Variants in MMP17 observed in about 807,000 individuals in gnomAD.
MMP17 encodes matrix metallopeptidase 17.
A neutral mutation model predicts 49.1 loss-of-function variants in MMP17; 54 were observed. That is an observed-to-expected ratio of 1.10 (90% CI 0.88 to 1.38). MMP17 has a LOEUF of 1.38. Among genes scored for constraint, MMP17 ranks in the 40% most tolerant of loss-of-function variants. The pLI is 0.00. For missense variants in MMP17, 837 were observed against 853.7 expected (o/e 0.98, Z 0.24); for synonymous variants, 397 against 383.1 (o/e 1.04, Z -0.42).
In MMP17 at chr12:131,845,197, A is replaced by G. The variant is rs779924400; in HGVS notation, c.1048A>G (p.Lys350Glu). The stretch of plus-strand genomic sequence containing the variant: ...GATCCGGGGTGAAGCTTTCTTCTTC[A>G]AAGGTACCTCCAGGGTTCCCGTGGC... ...AQIRGEAFFF[K>E]GKYFWRLTRD... The change falls in exon 7 of 10, where the codon AAA becomes GAA. Residue 350 changes from lysine (K) to glutamate (E), a missense_variant. Coordinates refer to ENST00000360564, the MANE Select transcript of MMP17 (RefSeq NM_016155.7). 1 of 1,613,896 alleles carries G rather than the reference A, an allele frequency of 6.2e-7. No homozygotes were observed. Among genetic ancestry groups the G allele is most frequent in the South Asian group, 1.1e-5 (1 of 91,076 alleles).
chr12:131,837,871 C>CATGCTG, intron 1 of MMP17, among the ~76,000 whole-genome samples: 1 of 152,290 alleles, frequency 6.6e-6, no homozygotes, highest in African/African-American at 2.4e-5. Flanking sequence ...CCACCACACC[C>CATGCTG]GGCTAATTTT....
intron 1 of MMP17, among the ~76,000 whole-genome samples, chr12:131,829,580 C>G (rs1229245208): frequency 2.0e-5 from 3 of 152,246 alleles, no homozygotes; most frequent in Admixed American, 2.0e-4. Context: ...CGAGGCCTCC[C>G]CGCCCCACAC....
chr12:131,836,183 A>T (rs1887074660), intron 1 of MMP17, among the ~76,000 whole-genome samples: 1 of 151,922 alleles, frequency 6.6e-6, no homozygotes, highest in African/African-American at 2.4e-5. Flanking sequence ...GGGTTTGGAA[A>T]GGGGGTAAAG....
intron 1 of MMP17, 56 bp from the exon 2 acceptor site, chr12:131,838,139 C>T: frequency 9.2e-6 from 14 of 1,526,760 alleles, no homozygotes; most frequent in Admixed American, 4.1e-5. Context: ...GCAGGCTTCT[C>T]ACTGGGTAGG....
intron 8 of MMP17, 108 bp from the exon 9 acceptor site, chr12:131,849,694 T>C: frequency 7.7e-7 from 1 of 1,301,256 alleles, no homozygotes; most frequent in Non-Finnish European, 1.1e-6. Context: ...CAAGCCCAGG[T>C]GAGGGGCCAG....
rs975288051 is a variant in MMP17 at position 131,844,650 on chromosome 12, C to T, written c.969-468C>T. 10 of 220,406 alleles carry T rather than the reference C, an allele frequency of 4.5e-5. No individual in the cohort carries two copies. The East Asian group carries it at 7.1e-4, about 16-fold the overall frequency. 13.7% of individuals were successfully genotyped at this position (220,406 alleles called of 1,614,324 possible). On this transcript the variant is annotated intron_variant, in intron 6 of 9. Transcript: ENST00000360564. ...CACAGGACCGTACGTGTAACCCTCC[C>T]GGTTAAAGCTGCGAAGGAGCCACGC...
intron 8 of MMP17, among the ~76,000 whole-genome samples, chr12:131,847,773 T>C (rs968626110): frequency 1.2e-4 from 19 of 152,256 alleles, no homozygotes; most frequent in African/African-American, 4.6e-4. Context: ...GTCTGCAGGT[T>C]TCGCTACCAT....
At chr12:131,849,238 C>T (rs1052079104) in intron 8 of MMP17, among the ~76,000 whole-genome samples, 1 of 152,206 alleles carries the variant, frequency 6.6e-6, no homozygotes, top group Non-Finnish European at 1.5e-5. Context: ...AATCCCAGCA[C>T]TTTGGGAGGC....
At position 131,843,935 on chromosome 12, in the gene MMP17, T is replaced by C; in HGVS notation, c.884-62T>C. ...CATCCCTGGGATTCAGAAGGGCTGGTGGGATGTGGGGGGAGGCGGGCGTCG... is the reference window on the plus strand; with the variant it reads ...CATCCCTGGGATTCAGAAGGGCTGGCGGGATGTGGGGGGAGGCGGGCGTCG... On this transcript the variant is annotated intron_variant, in intron 5 of 9. Coordinates refer to ENST00000360564, the MANE Select transcript of MMP17 (RefSeq NM_016155.7). 3 of 1,201,292 alleles carry C rather than the reference T, an allele frequency of 2.5e-6. No individual in the cohort carries two copies. In the South Asian group the frequency reaches 4.1e-5, roughly 17 times the overall value. The allele number at this position is 1,201,292 out of a possible 1,614,324, so 74.4% of individuals were successfully genotyped here. A position where few individuals can be genotyped will look rare whatever the true frequency, so the allele number is the denominator to read the frequency against.
At position 131,851,120 on chromosome 12, in the gene MMP17, G is replaced by T. The variant is rs138829824; in HGVS notation, c.1658G>T (p.Arg553Leu). ...RAPPGQHDQS[R>L]SEDGYEVCSC... ...CCTCCAGGACAACATGACCAGAGCC[G>T]CTCGGAGGACGGTTACGAGGTCTGC... The change falls in exon 10 of 10, where the codon CGC becomes CTC. Residue 553 changes from arginine (R) to leucine (L), a missense_variant. By Grantham distance (102) the Arg-to-Leu change is moderately radical. Coordinates refer to ENST00000360564, the MANE Select transcript of MMP17 (RefSeq NM_016155.7). 4.4e-6 allele frequency: 7 copies of T among 1,588,910 alleles called. No homozygotes were observed. The African/African-American group carries it at 8.1e-5, about 18-fold the overall frequency.
Position 131,849,864 on chromosome 12 carries a change from G to A in MMP17, c.1267G>A (p.Asp423Asn), listed in dbSNP as rs752274684. ...VEEGYPRPVS[D>N]FSLPPGGIDA... ...GGAAGGATACCCGCGCCCCGTCTCC[G>A]ACTTCAGCCTCCCGCCTGGCGGCAT... Residue 423 changes from aspartate (D) to asparagine (N), a missense_variant, in exon 9 of 10, where the codon GAC (aspartate) becomes AAC (asparagine). By Grantham distance (23) the Asp-to-Asn change is conservative. Coordinates refer to ENST00000360564, the MANE Select transcript of MMP17 (RefSeq NM_016155.7). 81 of 1,613,888 alleles carry A rather than the reference G, an allele frequency of 5.0e-5. No individual in the cohort carries two copies. Among genetic ancestry groups the A allele is most frequent in the African/African-American group, 5.3e-5 (4 of 74,916 alleles).
rs1288321565 is a variant in MMP17 at position 131,843,993 on chromosome 12, G to A, written c.884-4G>A. 6.5e-6 allele frequency: 10 copies of A among 1,548,594 alleles called. No homozygotes were observed. The highest frequency in any genetic ancestry group is 1.4e-5 in the African/African-American group (1 of 72,950). On this transcript the variant is annotated splice_region_variant and splice_polypyrimidine_tract_variant and intron_variant, in intron 5 of 9. Coordinates refer to ENST00000360564, the MANE Select transcript of MMP17 (RefSeq NM_016155.7). The stretch of plus-strand genomic sequence containing the variant: ...GAGGCCGTCCTCCTCCTTGTCTCCC[G>A]CAGGTGTGCGGGAGTCTGTGTCTCC...
In MMP17 at chr12:131,846,766, G is replaced by A. The variant is rs1887720585; in HGVS notation, c.1204+1317G>A. Among the ~76,000 whole-genome samples, 1 of 152,198 alleles carries A rather than the reference G, an allele frequency of 6.6e-6. No individual in the cohort carries two copies. The highest frequency in any genetic ancestry group is 1.5e-5 in the Non-Finnish European group (1 of 68,036). Reference sequence around the variant, plus strand: ...ACGTCCTGAGATTCTGGGTGGATGTGAGTTTGGAGGACGTCATTCAATCCA... The same window carrying A: ...ACGTCCTGAGATTCTGGGTGGATGTAAGTTTGGAGGACGTCATTCAATCCA... On this transcript the variant is annotated intron_variant, in intron 8 of 9. Coordinates refer to ENST00000360564, the MANE Select transcript of MMP17 (RefSeq NM_016155.7). The surrounding 1 kb of genome is among the most constrained non-coding windows in gnomAD (Gnocchi z 4.6).
chr12:131,830,152 A>G lies in MMP17; in HGVS notation c.159+1499A>G, dbSNP rs191773418. Among the ~76,000 whole-genome samples, 217 of 151,846 alleles carry G rather than the reference A, an allele frequency of 1.4e-3. 1 individual carries two copies. Among genetic ancestry groups the G allele is most frequent in the Middle Eastern group, 3.4e-3 (1 of 294 alleles). ...GGGGCCCACACACTCAGGAGGATGG[A>G]CCCCCGGCCGAGCCATGTTGGCTGA... On this transcript the variant is annotated intron_variant, in intron 1 of 9. Coordinates refer to ENST00000360564, the MANE Select transcript of MMP17 (RefSeq NM_016155.7).
rs1887172416 is a variant in MMP17, at chr12:131,838,064, A to G, written c.160-131A>G. 9 of 1,167,596 alleles carry G rather than the reference A, an allele frequency of 7.7e-6. No individual in the cohort carries two copies. The East Asian group carries it at 2.2e-4, about 29-fold the overall frequency. 72.3% of individuals were successfully genotyped at this position (1,167,596 alleles called of 1,614,324 possible). A position where few individuals can be genotyped will look rare whatever the true frequency, so the allele number is the denominator to read the frequency against. On this transcript the variant is annotated intron_variant, in intron 1 of 9. Coordinates refer to ENST00000360564, the MANE Select transcript of MMP17 (RefSeq NM_016155.7). Reference sequence around the variant, plus strand: ...CCGGCAGCTGCCCAGGGAAGAGACAAGAGGTGCCTTGTGGGCAGATAGGGG... The same window carrying G: ...CCGGCAGCTGCCCAGGGAAGAGACAGGAGGTGCCTTGTGGGCAGATAGGGG...
chr12:131,834,312 C>T (rs1886967100), intron 1 of MMP17, among the ~76,000 whole-genome samples: 2 of 152,262 alleles, frequency 1.3e-5, no homozygotes, highest in East Asian at 3.9e-4. Context: ...CCTCCCCCTC[C>T]CCAGTGGCCT....
At position 131,846,622 on chromosome 12, in the gene MMP17, G is replaced by A. The variant is rs892791586; in HGVS notation, c.1204+1173G>A. 1.3e-5 allele frequency among the ~76,000 whole-genome samples: 2 copies of A among 152,040 alleles called. No homozygotes were observed. Among genetic ancestry groups the A allele is most frequent in the African/African-American group, 4.8e-5 (2 of 41,394 alleles). ...ACTCCTGACTTCAGGTGATCCACCCGCCTTGGTGTCCCAAAGTGCCAAGAT... is the reference window on the plus strand; with the variant it reads ...ACTCCTGACTTCAGGTGATCCACCCACCTTGGTGTCCCAAAGTGCCAAGAT... On this transcript the variant is annotated intron_variant, in intron 8 of 9. Coordinates refer to ENST00000360564, the MANE Select transcript of MMP17 (RefSeq NM_016155.7). This position sits in a 1 kb window ranked among gnomAD's most constrained non-coding sequence, Gnocchi z 4.6.
intron 1 of MMP17, among the ~76,000 whole-genome samples, chr12:131,830,624 G>C (rs1886743047): frequency 6.6e-6 from 1 of 152,230 alleles, no homozygotes; most frequent in Non-Finnish European, 1.5e-5. Flanking sequence ...CTCCTCCTCC[G>C]CCCGCTCGCC....
intron 1 of MMP17, among the ~76,000 whole-genome samples, chr12:131,828,917 G>A (rs1386524289): frequency 6.6e-6 from 1 of 152,102 alleles, no homozygotes; most frequent in Non-Finnish European, 1.5e-5. Flanking sequence ...GCAGGAGCCC[G>A]TGGAGTTGTG....
Sources: allele counts gnomAD v4.1 joint callset (sites outside exome capture counted in the v4.1 genomes callset), GRCh38; gene constraint gnomAD v4.1.1; non-coding constraint Gnocchi (gnomAD v3.1); transcripts MANE v1.5; gene names NCBI Gene and HGNC (gene_info 2026-07-23, HGNC 2026-07-21).